BMPR1B: variants seen among roughly 807,000 people sequenced by gnomAD.
BMPR1B encodes bone morphogenetic protein receptor type-1B.
A neutral mutation model predicts 59.1 loss-of-function variants in BMPR1B; 12 were observed. That is an observed-to-expected ratio of 0.20 (90% confidence interval 0.13 to 0.33). The LOEUF (loss-of-function observed/expected upper bound fraction) is 0.33, where lower values mean the gene tolerates loss of function less well. Ranked by LOEUF, BMPR1B falls within the 10% of genes least tolerant of loss-of-function variation. The pLI is 1.00. For synonymous variants in BMPR1B, 237 were observed against 207.3 expected, an observed-to-expected ratio of 1.14 and a Z score of -1.23; for missense variants, 550 against 610.9, an observed-to-expected ratio of 0.90 and a Z score of 1.05.
At chr4:94,921,096 C>T (rs927853337) in intron 2 of BMPR1B, among the ~76,000 whole-genome samples, 1 of 152,224 alleles carries the variant, frequency 6.6e-6, no homozygotes, top group East Asian at 1.9e-4. Flanking sequence ...AGCATTAAGA[C>T]TCCTACACCC....
At chr4:95,059,591 T>C (rs1727195391) in intron 3 of BMPR1B, among the ~76,000 whole-genome samples, 1 of 151,998 alleles carries the variant, frequency 6.6e-6, no homozygotes, top group African/African-American at 2.4e-5. Context: ...TAGTAGCTAT[T>C]ATGAATATTA....
chr4:95,096,933 TAAATA>T (rs1197830736), intron 3 of BMPR1B, among the ~76,000 whole-genome samples: 2 of 139,376 alleles, frequency 1.4e-5, no homozygotes, highest in African/African-American at 5.6e-5. Flanking sequence ...TAAATCAAAT[TAAATA>T]TATGTAACTA....
chr4:95,046,285 C>T (rs2149180234), intron 3 of BMPR1B, among the ~76,000 whole-genome samples: 1 of 152,202 alleles, frequency 6.6e-6, no homozygotes, highest in South Asian at 2.1e-4. Context: ...CTGTTTGTGA[C>T]AGGAACAACT....
chr4:94,865,799 GAAC>G (rs761392228), intron 1 of BMPR1B, among the ~76,000 whole-genome samples: 4 of 152,040 alleles, frequency 2.6e-5, no homozygotes, highest in South Asian at 2.1e-4. Flanking sequence ...TAAGAGGAAA[GAAC>G]AACAACATGC....
intron 2 of BMPR1B, among the ~76,000 whole-genome samples, chr4:94,960,634 A>G (rs183070216): frequency 2.0e-5 from 3 of 152,238 alleles, no homozygotes; most frequent in Admixed American, 6.5e-5. Context: ...TTTTATTACT[A>G]CAGACAGAAG....
At chr4:95,050,426 TA>T (rs1481750947) in intron 3 of BMPR1B, among the ~76,000 whole-genome samples, 3 of 152,130 alleles carry the variant, frequency 2.0e-5, no homozygotes, top group African/African-American at 7.2e-5. Context: ...TAGGAAAGTA[TA>T]AATTGAGGGT....
intron 2 of BMPR1B, among the ~76,000 whole-genome samples, chr4:94,919,433 A>G (rs1728607521): frequency 1.3e-5 from 2 of 152,198 alleles, no homozygotes; most frequent in African/African-American, 2.4e-5. Context: ...TCACAAACCA[A>G]TACTTATCCT....
chr4:95,036,942 C>T (rs1725293501), intron 3 of BMPR1B, among the ~76,000 whole-genome samples: 1 of 152,128 alleles, frequency 6.6e-6, no homozygotes, highest in African/African-American at 2.4e-5. Context: ...CTGGATGCTG[C>T]CACTAAAACT....
intron 1 of BMPR1B, among the ~76,000 whole-genome samples, chr4:94,767,174 G>C (rs1722002489): frequency 6.6e-6 from 1 of 152,062 alleles, no homozygotes; most frequent in Non-Finnish European, 1.5e-5. Flanking sequence ...ATAATGTTGA[G>C]ATGAACGTGG....
At chr4:94,792,474 A>AACACAC (rs915626496) in intron 1 of BMPR1B, among the ~76,000 whole-genome samples, 9 of 151,648 alleles carry the variant, frequency 5.9e-5, no homozygotes, top group African/African-American at 2.2e-4. Context: ...ATTACAACAT[A>AACACAC]ACACACACAC....
intron 1 of BMPR1B, among the ~76,000 whole-genome samples, chr4:94,777,214 C>G (rs977521498): frequency 1.3e-5 from 2 of 151,994 alleles, no homozygotes; most frequent in Non-Finnish European, 2.9e-5. Context: ...TATTTAATTT[C>G]TCTCATATTT....
chr4:94,759,637 T>C (rs913723206), intron 1 of BMPR1B, among the ~76,000 whole-genome samples: 2 of 152,226 alleles, frequency 1.3e-5, no homozygotes, highest in African/African-American at 4.8e-5. Context: ...CTTTACACTC[T>C]AGTGATCAAG....
chr4:94,795,904 G>A (rs1723171600), intron 1 of BMPR1B, among the ~76,000 whole-genome samples: 1 of 151,958 alleles, frequency 6.6e-6, no homozygotes, highest in African/African-American at 2.4e-5. Flanking sequence ...TTGTAAAAGT[G>A]GTGATATCTG....
chr4:94,982,453 T>A (rs2149088940), intron 2 of BMPR1B, among the ~76,000 whole-genome samples: 1 of 152,320 alleles, frequency 6.6e-6, no homozygotes, highest in Middle Eastern at 3.4e-3. Context: ...CCTAAATTAG[T>A]CCTTCTCAAC....
chr4:95,070,508 G>C (rs1728199646), intron 3 of BMPR1B, among the ~76,000 whole-genome samples: 1 of 152,118 alleles, frequency 6.6e-6, no homozygotes, highest in African/African-American at 2.4e-5. Context: ...AGTAACTTCA[G>C]AGTTTGTTGA....
intron 10 of BMPR1B, among the ~76,000 whole-genome samples, chr4:95,137,255 T>G (rs1249205257): frequency 2.0e-5 from 3 of 152,248 alleles, no homozygotes; most frequent in African/African-American, 2.4e-5. Flanking sequence ...CTAGTTTGAT[T>G]GCACTGTGGT....
chr4:94,821,206 T>C (rs560766146), intron 1 of BMPR1B, among the ~76,000 whole-genome samples: 1 of 152,276 alleles, frequency 6.6e-6, no homozygotes, highest in South Asian at 2.1e-4. Flanking sequence ...GAAATTAAAT[T>C]TATTGCCACA....
chr4:95,105,674 C>T (rs994913970), intron 4 of BMPR1B, among the ~76,000 whole-genome samples: 1 of 151,964 alleles, frequency 6.6e-6, no homozygotes, highest in Non-Finnish European at 1.5e-5. Context: ...AACTTATTCT[C>T]ACCTTTAGAC....
At chr4:94,786,456 C>G (rs926427917) in intron 1 of BMPR1B, among the ~76,000 whole-genome samples, 1 of 151,704 alleles carries the variant, frequency 6.6e-6, no homozygotes, top group Non-Finnish European at 1.5e-5. Flanking sequence ...AGCTTCAAAC[C>G]CTTGGGCTCA....
Sources: allele counts gnomAD v4.1 joint callset (sites outside exome capture counted in the v4.1 genomes callset), GRCh38; gene constraint gnomAD v4.1.1; transcripts MANE v1.5; gene names NCBI Gene and HGNC (gene_info 2026-07-23, HGNC 2026-07-21).